The following MYO5C variants were observed in gnomAD, a reference collection of about 807,000 sequenced individuals.
MYO5C encodes the protein unconventional myosin-Vc.
MYO5C carries 194 observed loss-of-function variants against 235.7 expected under a neutral mutation model. That is an observed-to-expected ratio of 0.82 (90% CI 0.73 to 0.93). The LOEUF is 0.93. MYO5C is among the 40% of genes least tolerant of loss of function. The pLI, the probability that MYO5C is intolerant of heterozygous loss-of-function variation, is 0.00. For synonymous variants in MYO5C, 707 were observed against 754.8 expected (o/e 0.94, Z 1.04); for missense variants, 2,038 against 2,127.2 (o/e 0.96, Z 0.82).
rs2036111112 is a variant in MYO5C, at chr15:52,237,451, T to C, written c.2868+31A>G. 3 of 1,605,562 alleles carry C rather than the reference T, an allele frequency of 1.9e-6. No individual in the cohort carries two copies. The East Asian group carries it at 6.7e-5, about 36-fold the overall frequency. On this transcript the variant is annotated intron_variant, in intron 22 of 40. Transcript: ENST00000261839. ...TCTTTTTCACAGAGAGTCCGCATAT[T>C]TCCATCCCGTCTCACACGCCCGCAG...
rs141084867 is a variant in MYO5C, at chr15:52,231,142, A to G, written c.3026+1480T>C. ...TACGCCTGGCCCAGAAGTCTTATGT[A>G]AAAAGAATCTTAGACCCACAGCCTG... On this transcript the variant is annotated intron_variant, in intron 24 of 40. Transcript: ENST00000261839. 2.1e-3 allele frequency among the ~76,000 whole-genome samples: 321 copies of G among 152,234 alleles called. 3 individuals are homozygous for G. The highest frequency in any genetic ancestry group is 7.5e-3 in the African/African-American group (311 of 41,532).
intron 11 of MYO5C, among the ~76,000 whole-genome samples, chr15:52,256,248 C>A (rs537460019): frequency 6.6e-6 from 1 of 151,960 alleles, no homozygotes; most frequent in African/African-American, 2.4e-5. Flanking sequence ...GAGTTGGCCA[C>A]GTGAAGATAA....
chr15:52,275,685 C>G lies in MYO5C; in HGVS notation c.483G>C (p.Gly161=). 2 of 1,614,204 alleles carry G rather than the reference C, an allele frequency of 1.2e-6. No homozygotes were observed. Among genetic ancestry groups the G allele is most frequent in the Non-Finnish European group, 1.7e-6 (2 of 1,180,042 alleles). ...NNRNQSIIVS[G]ESGAGKTVSA... Reference sequence around the variant, plus strand: ...ACACTGTCTTTCCAGCACCTGACTCCCCACTTACAATTATGGACTGGTTTC... The same window carrying G: ...ACACTGTCTTTCCAGCACCTGACTCGCCACTTACAATTATGGACTGGTTTC... Residue 161 remains glycine, a synonymous_variant, in exon 5 of 41, where the codon GGG becomes GGC. Coordinates refer to ENST00000261839, the MANE Select transcript of MYO5C (RefSeq NM_018728.4).
At chr15:52,205,681 G>T (rs573872776) in intron 37 of MYO5C, 135 bp downstream of exon 37, 77 of 491,650 alleles carry the variant, frequency 1.6e-4, no homozygotes, top group Middle Eastern at 5.4e-4. Context: ...TTAAAAGGCA[G>T]ATATCTACAT....
At chr15:52,286,132 A>G (rs2037262550) in intron 1 of MYO5C, among the ~76,000 whole-genome samples, 1 of 147,250 alleles carries the variant, frequency 6.8e-6, no homozygotes, top group South Asian at 2.1e-4. Context: ...GCACCCTCTG[A>G]GAAGTGAGGA....
At chr15:52,209,219 G>A (rs1460022562) in intron 35 of MYO5C, among the ~76,000 whole-genome samples, 1 of 152,128 alleles carries the variant, frequency 6.6e-6, no homozygotes, top group African/African-American at 2.4e-5. Flanking sequence ...AGAAAATCCT[G>A]GGATTTAAAA....
chr15:52,282,986 A>G, intron 1 of MYO5C, 94 bp from the exon 2 acceptor site: 1 of 783,790 alleles, frequency 1.3e-6, no homozygotes, highest in African/African-American at 1.7e-5. Flanking sequence ...TCTGTGCACT[A>G]GGTCAGCTCC....
intron 7 of MYO5C, among the ~76,000 whole-genome samples, chr15:52,270,186 G>A (rs979829695): frequency 2.0e-5 from 3 of 152,162 alleles, no homozygotes; most frequent in Non-Finnish European, 4.4e-5. Flanking sequence ...GGAGGCTGAC[G>A]TGGGAGGATC....
chr15:52,273,352 T>C (rs1306159416), intron 5 of MYO5C, among the ~76,000 whole-genome samples: 1 of 152,136 alleles, frequency 6.6e-6, no homozygotes, highest in African/African-American at 2.4e-5. Context: ...AGTTAATTCA[T>C]CTTTCCAGGT....
intron 24 of MYO5C, among the ~76,000 whole-genome samples, chr15:52,230,949 TC>T (rs1327440824): frequency 1.3e-5 from 2 of 150,324 alleles, no homozygotes; most frequent in Admixed American, 1.3e-4. Context: ...TGCCTCAGCC[TC>T]CCAAGTAGCT....
chr15:52,228,431 C>A (rs567029688), intron 25 of MYO5C, among the ~76,000 whole-genome samples: 2 of 152,258 alleles, frequency 1.3e-5, no homozygotes, highest in African/African-American at 4.8e-5. Flanking sequence ...CCTGAGCCAC[C>A]GTGCCCGGCA....
intron 2 of MYO5C, among the ~76,000 whole-genome samples, chr15:52,280,599 TTCAG>T (rs1275462713): frequency 6.6e-6 from 1 of 152,204 alleles, no homozygotes; most frequent in African/African-American, 2.4e-5. Flanking sequence ...CTTCCAGGTA[TTCAG>T]TCAGTATCTC....
chr15:52,234,141 C>T (rs374834957), intron 23 of MYO5C, among the ~76,000 whole-genome samples: 28 of 152,178 alleles, frequency 1.8e-4, no homozygotes, highest in African/African-American at 6.3e-4. Flanking sequence ...TTTGCAGATG[C>T]GCTAAAGAAG....
intron 27 of MYO5C, 38 bp downstream of exon 27, chr15:52,225,037 A>G: frequency 1.2e-6 from 2 of 1,613,316 alleles, no homozygotes; most frequent in Non-Finnish European, 1.7e-6. Context: ...TTACATGTTT[A>G]CATGTCTTAA....
At position 52,192,390 on chromosome 15, in the gene MYO5C, TTGAAA is replaced by T. The variant is rs1298528359; in HGVS notation, c.*1507_*1511del. 2.6e-5 allele frequency: 4 copies of T among 152,220 alleles called. No homozygotes were observed. The highest frequency in any genetic ancestry group is 2.6e-4 in the Admixed American group (4 of 15,286). 9.4% of individuals were successfully genotyped at this position (152,220 alleles called of 1,614,324 possible). ...TTTTCATTTTTTCATGTACAATGTA[TTGAAA>T]TGAACTAAACTCAATCACTTATAAT... is the stretch of plus-strand genomic sequence containing the variant. On this transcript the variant is annotated 3_prime_UTR_variant, in exon 41 of 41. Coordinates refer to ENST00000261839, the MANE Select transcript of MYO5C (RefSeq NM_018728.4).
chr15:52,283,393 G>C (rs2037200287), intron 1 of MYO5C, among the ~76,000 whole-genome samples: 1 of 152,204 alleles, frequency 6.6e-6, no homozygotes, highest in Middle Eastern at 3.2e-3. Context: ...TTACAGCAAT[G>C]TCATCATAAT....
chr15:52,226,343 G>A (rs2035822404), intron 25 of MYO5C, among the ~76,000 whole-genome samples: 2 of 152,234 alleles, frequency 1.3e-5, no homozygotes, highest in Non-Finnish European at 2.9e-5. Context: ...GGCAGCTCTG[G>A]TTGTGGGGAA....
At chr15:52,220,149 A>G (rs1351292231) in intron 30 of MYO5C, among the ~76,000 whole-genome samples, 3 of 152,232 alleles carry the variant, frequency 2.0e-5, no homozygotes, top group Non-Finnish European at 4.4e-5. Context: ...CTTAAACTGT[A>G]TCCAGACAGA....
chr15:52,264,713 T>C (rs1306299155), intron 8 of MYO5C, among the ~76,000 whole-genome samples: 1 of 152,248 alleles, frequency 6.6e-6, no homozygotes, highest in Non-Finnish European at 1.5e-5. Context: ...CTCCAGATTC[T>C]CTGCTCTCTG....
Sources: allele counts gnomAD v4.1 joint callset (sites outside exome capture counted in the v4.1 genomes callset), GRCh38; gene constraint gnomAD v4.1.1; transcripts MANE v1.5; gene names NCBI Gene and HGNC (gene_info 2026-07-23, HGNC 2026-07-21).